TRIM35: variants seen among roughly 807,000 people sequenced by gnomAD.
TRIM35 encodes tripartite motif containing 35.
In TRIM35, 37 loss-of-function variants were observed where a neutral mutation model predicts 49.1. The ratio of observed to expected loss-of-function variants is 0.75; its 90% confidence interval spans 0.58 to 0.99. The LOEUF (loss-of-function observed/expected upper bound fraction) is 0.99, where lower values mean the gene tolerates loss of function less well. Ranked by LOEUF, TRIM35 falls within the 50% of genes least tolerant of loss-of-function variation. The pLI is 0.00. For synonymous variants in TRIM35, 302 were observed against 289.3 expected (o/e 1.04, Z -0.45); for missense variants, 648 against 702.7 (o/e 0.92, Z 0.88).
At chr8:27,289,316 G>A in intron 4 of TRIM35, 36 bp from the exon 5 acceptor site, 1 of 1,583,020 alleles carries the variant, frequency 6.3e-7, no homozygotes, top group Non-Finnish European at 8.7e-7. Context: ...GGCAGGGCCA[G>A]AGCCATGCAA....
intron 1 of TRIM35, among the ~76,000 whole-genome samples, chr8:27,302,839 T>C (rs1802706121): frequency 6.6e-6 from 1 of 152,232 alleles, no homozygotes; most frequent in Non-Finnish European, 1.5e-5. Context: ...CACATAGAAA[T>C]CTCAGTGCAA....
chr8:27,290,627 T>C (rs1223136889), intron 3 of TRIM35, among the ~76,000 whole-genome samples: 1 of 152,238 alleles, frequency 6.6e-6, no homozygotes. Flanking sequence ...TAAACTTGTA[T>C]TGTTTTATAA....
chr8:27,299,874 A>G (rs1429892860), intron 1 of TRIM35, among the ~76,000 whole-genome samples: 1 of 152,166 alleles, frequency 6.6e-6, no homozygotes, highest in Non-Finnish European at 1.5e-5. Context: ...GGCAGCCTCT[A>G]AAGTGGCCCC....
chr8:27,294,139 C>G lies in TRIM35; in HGVS notation c.703G>C (p.Ala235Pro). The G allele has an allele frequency of 6.2e-7, 1 of 1,614,212 alleles. No individual in the cohort carries two copies. Among genetic ancestry groups the G allele is most frequent in the Non-Finnish European group, 8.5e-7 (1 of 1,180,040 alleles). Residue 235 changes from alanine to proline, a missense_variant, in exon 3 of 6, where the codon GCA (alanine) becomes CCA (proline). Coordinates refer to ENST00000305364, the MANE Select transcript of TRIM35 (RefSeq NM_171982.5). ...KQLTEETEVLAHEIERLQMEM... is the reference protein window; with the variant it reads ...KQLTEETEVLPHEIERLQMEM... ...ATCTGCAGCCGCTCGATCTCATGTG[C>G]CAGCACCTCCGTCTCCTCTGTGAGC...
rs1802348756 is a variant in TRIM35, at chr8:27,287,472, C to G, written c.*78G>C. 20 of 1,428,360 alleles carry G rather than the reference C, an allele frequency of 1.4e-5. No individual in the cohort carries two copies. Among genetic ancestry groups the G allele is most frequent in the Non-Finnish European group, 9.3e-7 (1 of 1,070,564 alleles). The allele number at this position is 1,428,360 out of a possible 1,614,324, so 88.5% of individuals were successfully genotyped here. On this transcript the variant is annotated 3_prime_UTR_variant, in exon 6 of 6. Coordinates refer to ENST00000305364, the MANE Select transcript of TRIM35 (RefSeq NM_171982.5). The surrounding 1 kb of genome is among the most constrained non-coding windows in gnomAD (Gnocchi z 6.0). ...CAAGGAGGCAGGGGCGCAATAGTGCCCAAGCAGTGTGGGCATTAGGAAGAG... is the reference window on the plus strand; with the variant it reads ...CAAGGAGGCAGGGGCGCAATAGTGCGCAAGCAGTGTGGGCATTAGGAAGAG...
At chr8:27,299,036 C>G (rs141834915) in intron 1 of TRIM35, among the ~76,000 whole-genome samples, 146 of 152,248 alleles carry the variant, frequency 9.6e-4, no homozygotes, top group African/African-American at 3.1e-3. Flanking sequence ...CAGTCATTTC[C>G]CACGGGGTTC....
At position 27,287,656 on chromosome 8, in the gene TRIM35, T is replaced by C; in HGVS notation, c.1376A>G (p.Glu459Gly). The C allele has an allele frequency of 6.2e-7, 1 of 1,610,144 alleles. No homozygotes were observed. Among genetic ancestry groups the C allele is most frequent in the Non-Finnish European group, 8.5e-7 (1 of 1,178,388 alleles). The stretch of plus-strand genomic sequence containing the variant: ...CCCCAGGTAGAAGTAGGGGCGAACC[T>C]CCCCAAAGCGGGCGTGGAAGGTGTA... ...HLYTFHARFG[E>G]VRPYFYLGGA... The change falls in exon 6 of 6, where the codon GAG (glutamate) becomes GGG (glycine). Residue 459 changes from glutamate to glycine, a missense_variant. Physicochemically the swap from Glu to Gly is moderately conservative, Grantham distance 98. Coordinates refer to ENST00000305364, the MANE Select transcript of TRIM35 (RefSeq NM_171982.5). This position sits in a 1 kb window ranked among gnomAD's most constrained non-coding sequence, Gnocchi z 6.0.
intron 3 of TRIM35, among the ~76,000 whole-genome samples, chr8:27,293,571 AGT>A (rs574373447): frequency 2.7e-3 from 414 of 152,272 alleles, no homozygotes; most frequent in African/African-American, 9.5e-3. Flanking sequence ...AGCTGGGCAC[AGT>A]GGTGCGCCAG....
At chr8:27,288,942 A>G (rs1802395223) in intron 5 of TRIM35, among the ~76,000 whole-genome samples, 1 of 152,172 alleles carries the variant, frequency 6.6e-6, no homozygotes, top group Non-Finnish European at 1.5e-5. Flanking sequence ...GGACCCTGAG[A>G]GAAGGCATTC....
intron 1 of TRIM35, among the ~76,000 whole-genome samples, chr8:27,304,462 C>T (rs1294257877): frequency 1.3e-5 from 2 of 152,204 alleles, no homozygotes; most frequent in Non-Finnish European, 2.9e-5. Flanking sequence ...GGAAGCCCCC[C>T]GATCTTGCCA....
At position 27,284,991 on chromosome 8, in the gene TRIM35, G is replaced by A. The variant is rs1802282102; in HGVS notation, c.*2559C>T. On this transcript the variant is annotated 3_prime_UTR_variant, in exon 6 of 6. Coordinates refer to ENST00000305364, the MANE Select transcript of TRIM35 (RefSeq NM_171982.5). ...TACCAGTTAAAGGGACTTGTGCCAG[G>A]CTATAAAAGGACTCTTACAACTCAA... is the stretch of plus-strand genomic sequence containing the variant. 6.6e-6 allele frequency: 1 copy of A among 152,156 alleles called. No individual in the cohort carries two copies. Among genetic ancestry groups the A allele is most frequent in the Non-Finnish European group, 1.5e-5 (1 of 68,040 alleles). The allele number at this position is 152,156 out of a possible 1,614,324, so 9.4% of individuals were successfully genotyped here. A position where few individuals can be genotyped will look rare whatever the true frequency, so the allele number is the denominator to read the frequency against.
chr8:27,285,705 G>A lies in TRIM35; in HGVS notation c.*1845C>T. 2.7e-5 allele frequency: 4 copies of A among 146,094 alleles called. No individual in the cohort carries two copies. The highest frequency in any genetic ancestry group is 2.2e-4 in the South Asian group (1 of 4,566). The allele number at this position is 146,094 out of a possible 1,614,324, so 9.0% of individuals were successfully genotyped here. On this transcript the variant is annotated 3_prime_UTR_variant, in exon 6 of 6. Coordinates refer to ENST00000305364, the MANE Select transcript of TRIM35 (RefSeq NM_171982.5). Reference sequence around the variant, plus strand: ...AAAAAAAAACTCTTCCCATATCTAAGGTGAAAATAAAAAACATTTTTAAAA... The same window carrying A: ...AAAAAAAAACTCTTCCCATATCTAAAGTGAAAATAAAAAACATTTTTAAAA...
chr8:27,296,307 G>A (rs1213575552), intron 2 of TRIM35, among the ~76,000 whole-genome samples: 1 of 152,048 alleles, frequency 6.6e-6, no homozygotes, highest in Non-Finnish European at 1.5e-5. Flanking sequence ...TATTTATCCT[G>A]ATGCTCTCCC....
In TRIM35 at chr8:27,287,298, T is replaced by G; in HGVS notation, c.*252A>C. On this transcript the variant is annotated 3_prime_UTR_variant, in exon 6 of 6. Transcript: ENST00000305364. The surrounding 1 kb of genome is among the most constrained non-coding windows in gnomAD (Gnocchi z 6.0). The stretch of plus-strand genomic sequence containing the variant: ...GGAATAGGGATTCAGAAAATTCACA[T>G]TGTGGAGGTGCCACGACTCGGGAGA... 1.0e-5 allele frequency: 5 copies of G among 484,330 alleles called. No homozygotes were observed. The highest frequency in any genetic ancestry group is 3.8e-5 in the Admixed American group (1 of 26,478). 30.0% of individuals were successfully genotyped at this position (484,330 alleles called of 1,614,324 possible). A position where few individuals can be genotyped will look rare whatever the true frequency, so the allele number is the denominator to read the frequency against.
chr8:27,298,431 C>T lies in TRIM35; in HGVS notation c.531+33G>A, dbSNP rs750894536. 9 of 1,603,298 alleles carry T rather than the reference C, an allele frequency of 5.6e-6. No individual in the cohort carries two copies. In the African/African-American group the frequency reaches 1.1e-4, roughly 19 times the overall value. ...CTCCCCAGACTGCCCTGAGTGGACC[C>T]AATCTTCCCACTTGGCCCCATCGTT... On this transcript the variant is annotated intron_variant, in intron 2 of 5. Coordinates refer to ENST00000305364, the MANE Select transcript of TRIM35 (RefSeq NM_171982.5).
At chr8:27,304,876 A>G in intron 1 of TRIM35, 1 of 444,242 alleles carries the variant, frequency 2.3e-6, no homozygotes, top group South Asian at 1.6e-5. Context: ...TCCTCACCTT[A>G]AAAATGAAAG....
At chr8:27,294,369 G>T in intron 2 of TRIM35, 59 bp from the exon 3 acceptor site, 1 of 1,505,342 alleles carries the variant, frequency 6.6e-7, no homozygotes, top group Non-Finnish European at 8.9e-7. Flanking sequence ...CCATAGCCCA[G>T]CAACTTTCCC....
At chr8:27,293,981 T>G in intron 3 of TRIM35, 99 bp downstream of exon 3, 2 of 1,196,272 alleles carry the variant, frequency 1.7e-6, no homozygotes, top group South Asian at 1.5e-5. Context: ...CCCAGGAAGC[T>G]CCAGGAAGAT....
At position 27,290,150 on chromosome 8, in the gene TRIM35, A is replaced by G. The variant is rs1802423084; in HGVS notation, c.785+6T>C. The G allele has an allele frequency of 6.2e-7, 1 of 1,614,136 alleles. No individual in the cohort carries two copies. The highest frequency in any genetic ancestry group is 1.1e-5 in the South Asian group (1 of 91,068). ...CCCCTCCCCTCCACCAGCTTTGGCA[A>G]CTTACCGGCGTTTTCGGCTCTTGTG... On this transcript the variant is annotated splice_donor_region_variant and intron_variant, in intron 4 of 5. Coordinates refer to ENST00000305364, the MANE Select transcript of TRIM35 (RefSeq NM_171982.5).
Sources: allele counts gnomAD v4.1 joint callset (sites outside exome capture counted in the v4.1 genomes callset), GRCh38; gene constraint gnomAD v4.1.1; non-coding constraint Gnocchi (gnomAD v3.1); transcripts MANE v1.5; gene names NCBI Gene and HGNC (gene_info 2026-07-23, HGNC 2026-07-21).